Variants in BCL2L14 observed in about 807,000 individuals in gnomAD.
BCL2L14 encodes BCL2 like 14, also known as apoptosis facilitator Bcl-2-like protein 14.
A neutral mutation model predicts 35.3 loss-of-function variants in BCL2L14; 27 were observed. The observed-to-expected ratio is 0.76, with a 90% CI of 0.56 to 1.05. BCL2L14 has a LOEUF of 1.05. Ranked by LOEUF, BCL2L14 falls within the 50% of genes least tolerant of loss-of-function variation. The pLI is 0.00. For synonymous variants in BCL2L14, 139 were observed against 145.9 expected, an observed-to-expected ratio of 0.95 and a Z score of 0.34; for missense variants, 377 against 382.6, an observed-to-expected ratio of 0.99 and a Z score of 0.12.
At chr12:12,071,427 G>A (rs902971104) in intron 1 of BCL2L14, 4 of 152,138 alleles carry the variant, frequency 2.6e-5, no homozygotes, top group Non-Finnish European at 2.9e-5. Context: ...GGTATGTGAC[G>A]TTACTCAGTC....
intron 2 of BCL2L14, 23 bp from the exon 3 acceptor site, chr12:12,087,190 A>G: frequency 6.2e-7 from 1 of 1,611,754 alleles, no homozygotes; most frequent in Non-Finnish European, 8.5e-7. Context: ...AGGGCCTCTC[A>G]GCACCATTTT....
Position 12,094,650 on chromosome 12 carries a change from T to G in BCL2L14, c.679-14T>G, listed in dbSNP as rs1949270975. On this transcript the variant is annotated splice_polypyrimidine_tract_variant and intron_variant, in intron 4 of 5. Transcript: ENST00000308721. Reference sequence around the variant, plus strand: ...CCAAGCTACTGTACTGAGTGCTTATTCTTTTGTACACAGCTGAAGAAAGAT... The same window carrying G: ...CCAAGCTACTGTACTGAGTGCTTATGCTTTTGTACACAGCTGAAGAAAGAT... The G allele has an allele frequency of 3.1e-6, 5 of 1,614,170 alleles. No homozygotes were observed. Among genetic ancestry groups the G allele is most frequent in the Non-Finnish European group, 4.2e-6 (5 of 1,180,000 alleles).
In BCL2L14 at chr12:12,063,365, A is replaced by C. The variant is rs1948552979; in HGVS notation, c.-272+11518A>C. Among the ~76,000 whole-genome samples, 3 of 150,774 alleles carry C rather than the reference A, an allele frequency of 2.0e-5. No homozygotes were observed. The South Asian group carries it at 6.5e-4, about 33-fold the overall frequency. ...TGTCCTAGGTCCTCCCAATTCTTAGACCTTTTATACCTGTTTTTCTCCTTT... is the reference window on the plus strand; with the variant it reads ...TGTCCTAGGTCCTCCCAATTCTTAGCCCTTTTATACCTGTTTTTCTCCTTT... On this transcript the variant is annotated intron_variant, in intron 2 of 3. Transcript: ENST00000461264.
chr12:12,079,821 G>T, intron 2 of BCL2L14, 83 bp downstream of exon 2: 1 of 1,406,992 alleles, frequency 7.1e-7, no homozygotes. Flanking sequence ...TTCTCATGTT[G>T]TAAAGTGGCT....
At chr12:12,074,453 T>C (rs1205980340) in intron 1 of BCL2L14, among the ~76,000 whole-genome samples, 1 of 152,134 alleles carries the variant, frequency 6.6e-6, no homozygotes, top group African/African-American at 2.4e-5. Flanking sequence ...TTCTTTTTAT[T>C]ATTTTTTTTT....
At chr12:12,098,664 C>T (rs1949366454) in intron 5 of BCL2L14, among the ~76,000 whole-genome samples, 1 of 152,178 alleles carries the variant, frequency 6.6e-6, no homozygotes, top group African/African-American at 2.4e-5. Flanking sequence ...AGTCATTGAC[C>T]TTTCAGTACC....
Position 12,082,663 on chromosome 12 carries a change from C to T in BCL2L14, c.433+2925C>T, listed in dbSNP as rs937227169. Reference sequence around the variant, plus strand: ...GAATTAAAGATTACATTCAAAAACACTTAGGTGATGTGTTAATGTGCTGAA... The same window carrying T: ...GAATTAAAGATTACATTCAAAAACATTTAGGTGATGTGTTAATGTGCTGAA... On this transcript the variant is annotated intron_variant, in intron 2 of 5. Coordinates refer to ENST00000308721, the MANE Select transcript of BCL2L14 (RefSeq NM_138723.2). Among the ~76,000 whole-genome samples the T allele has an allele frequency of 1.4e-4, 22 of 152,070 alleles. 1 individual carries two copies. Among genetic ancestry groups the T allele is most frequent in the African/African-American group, 5.3e-4 (22 of 41,388 alleles).
intron 3 of BCL2L14, among the ~76,000 whole-genome samples, chr12:12,088,783 C>T (rs1591832109): frequency 2.0e-5 from 3 of 152,228 alleles, no homozygotes; most frequent in African/African-American, 4.8e-5. Flanking sequence ...CTCCCAACCC[C>T]GATGCAGAGC....
At chr12:12,057,503 A>G (rs1163233372) in intron 2 of BCL2L14, among the ~76,000 whole-genome samples, 3 of 152,198 alleles carry the variant, frequency 2.0e-5, no homozygotes, top group Non-Finnish European at 4.4e-5. Context: ...CACGCCTGTA[A>G]TCCCAGCACT....
At chr12:12,092,355 G>C (rs1949207305) in intron 4 of BCL2L14, among the ~76,000 whole-genome samples, 1 of 152,234 alleles carries the variant, frequency 6.6e-6, no homozygotes, top group Non-Finnish European at 1.5e-5. Flanking sequence ...GCAAAGCCTT[G>C]GTTGTTATTT....
rs1411495444 is a variant in BCL2L14 at position 12,062,139 on chromosome 12, T to C, written c.-272+10292T>C. On this transcript the variant is annotated intron_variant, in intron 2 of 3. Transcript: ENST00000461264. ...CTTCCAAAATCTATTTTCTTCCTCATACCTGATGCATATACTTTCTGCTCC... is the reference window on the plus strand; with the variant it reads ...CTTCCAAAATCTATTTTCTTCCTCACACCTGATGCATATACTTTCTGCTCC... 7.9e-5 allele frequency among the ~76,000 whole-genome samples: 12 copies of C among 151,980 alleles called. No homozygotes were observed. The East Asian group carries it at 2.1e-3, about 27-fold the overall frequency.
At chr12:12,049,939 A>C (rs902199715) in exon 1 of BCL2L14, 4 of 152,176 alleles carry the variant, frequency 2.6e-5, no homozygotes, top group African/African-American at 9.7e-5. Context: ...GAAGAACGTT[A>C]TTGTAAGGGG....
intron 2 of BCL2L14, among the ~76,000 whole-genome samples, chr12:12,083,110 G>A (rs530472962): frequency 2.0e-4 from 31 of 152,026 alleles, no homozygotes; most frequent in Non-Finnish European, 4.1e-4. Context: ...GACTACGGGC[G>A]CCCACCACCA....
intron 2 of BCL2L14, among the ~76,000 whole-genome samples, chr12:12,065,795 T>A (rs1411614035): frequency 8.6e-6 from 1 of 115,848 alleles, no homozygotes; most frequent in East Asian, 2.5e-4. Context: ...TTTGTTTCTA[T>A]TTTTTTTTTT....
chr12:12,068,039 G>C (rs940738617), upstream of BCL2L14: 2 of 392,176 alleles, frequency 5.1e-6, no homozygotes, highest in African/African-American at 2.1e-5. Flanking sequence ...CCCCTGCCAG[G>C]CTCAAGCAAT....
chr12:12,067,698 C>A (rs185144778), upstream of BCL2L14, among the ~76,000 whole-genome samples: 1 of 152,174 alleles, frequency 6.6e-6, no homozygotes, highest in Admixed American at 6.5e-5. Context: ...TTATGGCAAT[C>A]CTTATTATGA....
At chr12:12,069,437 C>A (rs191361175), upstream of BCL2L14, among the ~76,000 whole-genome samples, 12 of 151,938 alleles carry the variant, frequency 7.9e-5, no homozygotes, top group African/African-American at 2.7e-4. Flanking sequence ...CGGTGGCTCA[C>A]GCCTGTAATC....
At chr12:12,072,752 G>A (rs1485639515) in intron 1 of BCL2L14, among the ~76,000 whole-genome samples, 2 of 152,178 alleles carry the variant, frequency 1.3e-5, no homozygotes, top group Non-Finnish European at 2.9e-5. Flanking sequence ...AAAGCAGAAG[G>A]GATCTAACCT....
At chr12:12,054,947 C>CA (rs33941702) in intron 2 of BCL2L14, 31,314 of 135,644 alleles carry the variant, frequency 0.23, 5,211 homozygotes, top group African/African-American at 0.47. Context: ...GACTCCATCT[C>CA]AAAAAAAAAA....
Sources: allele counts gnomAD v4.1 joint callset (sites outside exome capture counted in the v4.1 genomes callset), GRCh38; gene constraint gnomAD v4.1.1; transcripts MANE v1.5; gene names NCBI Gene and HGNC (gene_info 2026-07-23, HGNC 2026-07-21).